The following CNTNAP2 variants were observed in gnomAD, a reference collection of about 807,000 sequenced individuals.
The protein encoded by CNTNAP2 is contactin-associated protein-like 2.
In CNTNAP2, 98 loss-of-function variants were observed where a neutral mutation model predicts 155.2. The observed-to-expected ratio is 0.63, with a 90% CI of 0.54 to 0.75. CNTNAP2 has a LOEUF of 0.75. CNTNAP2 is among the 30% of genes least tolerant of loss of function. The probability of loss-of-function intolerance (pLI) is 0.00; values close to 1 mark genes in which losing one functional copy is unlikely to be tolerated. For missense variants in CNTNAP2, 1,727 were observed against 1,688.1 expected, an observed-to-expected ratio of 1.02 and a Z score of -0.40; for synonymous variants, 651 against 631.2, an observed-to-expected ratio of 1.03 and a Z score of -0.47.
chr7:147,678,587 A>G (rs889403252), intron 13 of CNTNAP2, among the ~76,000 whole-genome samples: 1 of 151,912 alleles, frequency 6.6e-6, no homozygotes, highest in Non-Finnish European at 1.5e-5. Flanking sequence ...AAAAATGGCA[A>G]GATAACAGCA....
intron 1 of CNTNAP2, among the ~76,000 whole-genome samples, chr7:146,375,590 A>G (rs1795293332): frequency 1.3e-5 from 2 of 152,240 alleles, no homozygotes; most frequent in South Asian, 4.1e-4. Flanking sequence ...CCGAATTATA[A>G]TTAGTTATTA....
intron 3 of CNTNAP2, among the ~76,000 whole-genome samples, chr7:146,972,653 C>T (rs1036774173): frequency 3.3e-5 from 5 of 152,126 alleles, no homozygotes; most frequent in Admixed American, 6.5e-5. Flanking sequence ...TTCCACAGAG[C>T]TCTTTCAATT....
chr7:148,398,494 C>G (rs965997221), intron 22 of CNTNAP2, among the ~76,000 whole-genome samples: 1 of 152,196 alleles, frequency 6.6e-6, no homozygotes, highest in Admixed American at 6.5e-5. Flanking sequence ...GATGACAAAG[C>G]AGATCAATAA....
chr7:147,705,873 C>T (rs1003000785), intron 13 of CNTNAP2, among the ~76,000 whole-genome samples: 11 of 151,922 alleles, frequency 7.2e-5, no homozygotes, highest in Admixed American at 4.6e-4. Context: ...TTAGCTATTC[C>T]GTTTGTTTGT....
At chr7:147,688,693 A>G (rs140391388) in intron 13 of CNTNAP2, among the ~76,000 whole-genome samples, 2,509 of 152,310 alleles carry the variant, frequency 0.016, 223 homozygotes, top group Admixed American at 0.15. Flanking sequence ...AGCATGTATC[A>G]TAGGGAAAAG....
At chr7:147,614,406 A>G (rs993635090) in intron 12 of CNTNAP2, among the ~76,000 whole-genome samples, 3 of 152,040 alleles carry the variant, frequency 2.0e-5, no homozygotes, top group Non-Finnish European at 4.4e-5. Flanking sequence ...AAGTTCTTGC[A>G]TATATTTTGT....
chr7:146,658,794 CAGT>C (rs1179882650), intron 1 of CNTNAP2, among the ~76,000 whole-genome samples: 1 of 152,284 alleles, frequency 6.6e-6, no homozygotes, highest in African/African-American at 2.4e-5. Flanking sequence ...AAAAGAATAA[CAGT>C]AGTTCTTACG....
chr7:147,170,792 G>T (rs556541860), intron 8 of CNTNAP2, among the ~76,000 whole-genome samples: 1 of 152,056 alleles, frequency 6.6e-6, no homozygotes, highest in African/African-American at 2.4e-5. Flanking sequence ...GGCAGCAGAC[G>T]CTTCACTGTG....
At chr7:147,410,150 C>A (rs183723128) in intron 10 of CNTNAP2, among the ~76,000 whole-genome samples, 2 of 152,248 alleles carry the variant, frequency 1.3e-5, no homozygotes, top group Non-Finnish European at 2.9e-5. Flanking sequence ...TGGAATCAAC[C>A]TAAATGCCCA....
At chr7:146,529,746 C>T (rs530543818) in intron 1 of CNTNAP2, among the ~76,000 whole-genome samples, 1 of 152,054 alleles carries the variant, frequency 6.6e-6, no homozygotes, top group African/African-American at 2.4e-5. Context: ...GCGGGCAGTT[C>T]ACGAGATCAA....
At chr7:147,561,442 G>A (rs959900956) in intron 11 of CNTNAP2, among the ~76,000 whole-genome samples, 3 of 152,136 alleles carry the variant, frequency 2.0e-5, no homozygotes, top group South Asian at 4.1e-4. Flanking sequence ...CTGAAAACAG[G>A]TGCAGTCTCA....
chr7:147,916,234 A>G (rs567325689), intron 14 of CNTNAP2, among the ~76,000 whole-genome samples: 20 of 152,302 alleles, frequency 1.3e-4, no homozygotes, highest in African/African-American at 4.6e-4. Flanking sequence ...CAGTTCCCCA[A>G]AGAAGCATAA....
intron 15 of CNTNAP2, among the ~76,000 whole-genome samples, chr7:148,038,913 A>G (rs916063076): frequency 2.0e-5 from 3 of 152,200 alleles, no homozygotes; most frequent in East Asian, 1.9e-4. Flanking sequence ...GGCTCATACA[A>G]TTATGAAAGC....
intron 1 of CNTNAP2, among the ~76,000 whole-genome samples, chr7:146,154,415 C>T (rs547501824): frequency 1.3e-5 from 2 of 152,226 alleles, no homozygotes; most frequent in Non-Finnish European, 2.9e-5. Context: ...TGCACCAGAA[C>T]AAATACTTCA....
chr7:147,396,222 A>G (rs1796814517), intron 10 of CNTNAP2, among the ~76,000 whole-genome samples: 1 of 149,570 alleles, frequency 6.7e-6, no homozygotes, highest in South Asian at 2.1e-4. Flanking sequence ...CTGTGGTGTT[A>G]TATTTGTTCA....
intron 13 of CNTNAP2, among the ~76,000 whole-genome samples, chr7:147,835,945 T>G (rs1300000969): frequency 6.6e-6 from 1 of 152,190 alleles, no homozygotes; most frequent in Admixed American, 6.5e-5. Context: ...CCTGGAGCTG[T>G]GGAGGGAGTG....
intron 1 of CNTNAP2, among the ~76,000 whole-genome samples, chr7:146,245,334 C>G (rs975310804): frequency 3.3e-5 from 5 of 151,960 alleles, no homozygotes; most frequent in Admixed American, 1.3e-4. Context: ...GCTGAAGGAG[C>G]CAGGGAGCAG....
chr7:146,347,994 C>A (rs958120960), intron 1 of CNTNAP2, among the ~76,000 whole-genome samples: 3 of 152,086 alleles, frequency 2.0e-5, no homozygotes, highest in Admixed American at 1.3e-4. Context: ...AACGGCCCTG[C>A]GAGACTAAAC....
At chr7:147,107,667 A>T (rs530854968) in intron 4 of CNTNAP2, among the ~76,000 whole-genome samples, 45 of 148,770 alleles carry the variant, frequency 3.0e-4, no homozygotes, top group Admixed American at 8.7e-4. Context: ...AAAACCATTT[A>T]AAAAAAAGAG....
Sources: allele counts gnomAD v4.1 joint callset (sites outside exome capture counted in the v4.1 genomes callset), GRCh38; gene constraint gnomAD v4.1.1; transcripts MANE v1.5; gene names NCBI Gene and HGNC (gene_info 2026-07-23, HGNC 2026-07-21).